The following CEP162 variants were observed in gnomAD, a reference collection of about 807,000 sequenced individuals.
CEP162 encodes the protein centrosomal protein of 162 kDa.
Under a neutral mutation model 169.2 loss-of-function variants are expected in CEP162, and 141 were observed. The observed-to-expected ratio is 0.83, with a 90% CI of 0.73 to 0.96. The LOEUF is 0.96. Ranked by LOEUF, CEP162 falls within the 40% of genes least tolerant of loss-of-function variation. The pLI, the probability that CEP162 is intolerant of heterozygous loss-of-function variation, is 0.00. For missense variants in CEP162, 1,600 were observed against 1,587.2 expected (o/e 1.01, Z -0.14); for synonymous variants, 540 against 526.4 (o/e 1.03, Z -0.35).
At chr6:84,185,056 T>C in intron 13 of CEP162, 131 bp downstream of exon 13, 1 of 749,210 alleles carries the variant, frequency 1.3e-6, no homozygotes, top group African/African-American at 1.8e-5. Context: ...TCACCTACAC[T>C]GCCACCACCC....
rs2099522807 is a variant in CEP162 at position 84,155,462 on chromosome 6, G to A, written c.2830C>T (p.Pro944Ser). ...ILKRRYPNSL[P>S]ALILAASAAG... Reference sequence around the variant, plus strand: ...GCTGATGCAGCCAATATTAAAGCAGGTAAAGAATTGGGATATCTTCTCTTC... The same window carrying A: ...GCTGATGCAGCCAATATTAAAGCAGATAAAGAATTGGGATATCTTCTCTTC... Residue 944 changes from proline to serine, a missense_variant, in exon 22 of 27, where the codon CCT (proline) becomes TCT (serine). Transcript: ENST00000403245. 1.9e-6 allele frequency: 3 copies of A among 1,613,078 alleles called. No homozygotes were observed. Among genetic ancestry groups the A allele is most frequent in the Non-Finnish European group, 2.5e-6 (3 of 1,179,304 alleles).
At chr6:84,207,818 T>A (rs1361138491) in intron 6 of CEP162, among the ~76,000 whole-genome samples, 1 of 152,176 alleles carries the variant, frequency 6.6e-6, no homozygotes, top group African/African-American at 2.4e-5. Context: ...TTCTCTGAGT[T>A]TTATATTTTT....
Position 84,215,845 on chromosome 6 carries a change from C to G in CEP162, c.250G>C (p.Ala84Pro), listed in dbSNP as rs143408529. ...CTCTTAAGAAATTGAATCTTTTCAG[C>G]AGACTCCTCTTCTATTTCCATAACA... ...QPVMEIEEES[A>P]EKIQFLKSSG... Residue 84 changes from alanine (A) to proline (P), a missense_variant, in exon 4 of 27, where the codon GCT becomes CCT. Transcript: ENST00000403245. 1.7e-4 allele frequency: 269 copies of G among 1,585,428 alleles called. 1 individual carries two copies. The African/African-American group carries it at 3.3e-3, about 19-fold the overall frequency.
At chr6:84,134,877 A>G (rs10498937) in intron 25 of CEP162, among the ~76,000 whole-genome samples, 7,081 of 151,884 alleles carry the variant, frequency 0.047, 534 homozygotes, top group African/African-American at 0.16. Flanking sequence ...GGTATAATAG[A>G]AGTGCCAATA....
intron 25 of CEP162, among the ~76,000 whole-genome samples, chr6:84,136,973 C>T (rs1255034002): frequency 6.6e-6 from 1 of 152,180 alleles, no homozygotes. Context: ...GTTTTGGGCT[C>T]TCCTGACCAT....
intron 25 of CEP162, among the ~76,000 whole-genome samples, chr6:84,135,888 G>A (rs1184010031): frequency 2.0e-5 from 3 of 152,140 alleles, no homozygotes; most frequent in Non-Finnish European, 4.4e-5. Flanking sequence ...AATGAGCCTG[G>A]TACACTGTAT....
chr6:84,215,665 T>A (rs2099551265), intron 4 of CEP162, 111 bp downstream of exon 4: 1 of 1,390,042 alleles, frequency 7.2e-7, no homozygotes, highest in Non-Finnish European at 9.6e-7. Context: ...TAGGAAGATA[T>A]TAAATCTGTC....
In CEP162 at chr6:84,179,813, T is replaced by G. The variant is rs143903283; in HGVS notation, c.1664-4466A>C. Among the ~76,000 whole-genome samples the G allele has an allele frequency of 3.4e-3, 525 of 152,238 alleles. 3 individuals are homozygous for G. The highest frequency in any genetic ancestry group is 0.012 in the African/African-American group (483 of 41,546). On this transcript the variant is annotated intron_variant, in intron 13 of 26. Transcript: ENST00000403245. Reference sequence around the variant, plus strand: ...ACCAGGAAGAACTTGAATCCCTGAATAGACCACTAACAGGCTCTGAAAATG... The same window carrying G: ...ACCAGGAAGAACTTGAATCCCTGAAGAGACCACTAACAGGCTCTGAAAATG...
At chr6:84,176,360 A>C (rs1383570364) in intron 13 of CEP162, among the ~76,000 whole-genome samples, 2 of 152,252 alleles carry the variant, frequency 1.3e-5, no homozygotes, top group Non-Finnish European at 2.9e-5. Context: ...AGTTATGATC[A>C]TATTTAATTA....
intron 7 of CEP162, among the ~76,000 whole-genome samples, chr6:84,202,518 C>CTTTTTTTTTTTTTTTTTTTTTTT (rs70987776): frequency 4.4e-5 from 4 of 90,774 alleles, no homozygotes; most frequent in African/African-American, 1.2e-4. Flanking sequence ...TTCTTTCTTT[C>CTTTTTTTTTTTTTTTTTTTTTTT]TTTTTTTTTT....
chr6:84,157,209 T>A (rs891930221), intron 21 of CEP162, among the ~76,000 whole-genome samples: 2 of 152,204 alleles, frequency 1.3e-5, no homozygotes, highest in African/African-American at 4.8e-5. Flanking sequence ...GCTACACTTG[T>A]CAATATTTCG....
chr6:84,207,412 T>C (rs2099547621), intron 6 of CEP162, among the ~76,000 whole-genome samples: 1 of 152,016 alleles, frequency 6.6e-6, no homozygotes, highest in Non-Finnish European at 1.5e-5. Flanking sequence ...TTCATGTCCT[T>C]TGTAGGGACA....
intron 20 of CEP162, 62 bp downstream of exon 20, chr6:84,161,684 A>G: frequency 2.6e-6 from 3 of 1,172,802 alleles, no homozygotes; most frequent in Non-Finnish European, 3.6e-6. Context: ...GGTTATGTAC[A>G]ACAGATATTA....
At chr6:84,142,548 T>C (rs1465482375) in intron 25 of CEP162, among the ~76,000 whole-genome samples, 1 of 152,102 alleles carries the variant, frequency 6.6e-6, no homozygotes, top group Non-Finnish European at 1.5e-5. Flanking sequence ...CTCTCAGAAG[T>C]ATAGAAACTA....
At chr6:84,216,103 G>A in intron 3 of CEP162, 181 bp from the exon 4 acceptor site, 1 of 773,700 alleles carries the variant, frequency 1.3e-6, no homozygotes, top group Non-Finnish European at 1.9e-6. Context: ...ATTCTATTTG[G>A]TGGCACTGTA....
chr6:84,192,385 G>A (rs951003774), intron 11 of CEP162, among the ~76,000 whole-genome samples: 5 of 152,218 alleles, frequency 3.3e-5, no homozygotes, highest in African/African-American at 1.2e-4. Flanking sequence ...TATAAGATGT[G>A]TAAGAAAATC....
intron 22 of CEP162, among the ~76,000 whole-genome samples, chr6:84,154,358 G>GTCTGTCTGTCTATCTATCTA (rs1554165787): frequency 6.7e-6 from 1 of 149,674 alleles, no homozygotes; most frequent in African/African-American, 2.5e-5. Flanking sequence ...CTGTCTGTCT[G>GTCTGTCTGTCTATCTATCTA]TCTATCTATC....
chr6:84,154,970 C>T (rs543273362), intron 22 of CEP162, among the ~76,000 whole-genome samples: 18 of 152,208 alleles, frequency 1.2e-4, no homozygotes, highest in African/African-American at 3.6e-4. Context: ...TATTTTCAAA[C>T]ATGGTAATTT....
At chr6:84,150,256 T>C (rs1395761393) in intron 23 of CEP162, among the ~76,000 whole-genome samples, 1 of 152,178 alleles carries the variant, frequency 6.6e-6, no homozygotes, top group Non-Finnish European at 1.5e-5. Context: ...GACTATTCAT[T>C]TGTCTCTGTG....
Sources: gnomAD v4.1 joint callset for allele counts (sites outside exome capture counted in the v4.1 genomes callset) on GRCh38, gnomAD v4.1.1 for gene constraint, MANE v1.5 for transcripts, NCBI Gene and HGNC (gene_info 2026-07-23, HGNC 2026-07-21) for gene names.